Variants in ALDH1A1 observed in about 807,000 individuals in gnomAD.
ALDH1A1 encodes aldehyde dehydrogenase 1A1.
A neutral mutation model predicts 62.1 loss-of-function variants in ALDH1A1; 19 were observed. The ratio of observed to expected loss-of-function variants is 0.31; its 90% CI spans 0.21 to 0.45. The LOEUF is 0.45. Among genes scored for constraint, ALDH1A1 ranks in the 20% least tolerant of loss-of-function variants. ALDH1A1 has a pLI of 1.00. For missense variants in ALDH1A1, 521 were observed against 607.1 expected (o/e 0.86, Z 1.49); for synonymous variants, 231 against 215.9 (o/e 1.07, Z -0.61).
At chr9:72,906,896 T>C (rs1183719600) in intron 11 of ALDH1A1, among the ~76,000 whole-genome samples, 1 of 152,130 alleles carries the variant, frequency 6.6e-6, no homozygotes. Context: ...GGTTAGTAGC[T>C]GGAGACTGAG....
chr9:72,910,693 C>A (rs190845006), intron 10 of ALDH1A1, among the ~76,000 whole-genome samples: 26 of 152,114 alleles, frequency 1.7e-4, no homozygotes, highest in African/African-American at 5.5e-4. Context: ...CCAGAATTTT[C>A]TGGGAAATCT....
chr9:72,904,103 CATCTCCACCAA>C (rs1320875370), intron 12 of ALDH1A1, among the ~76,000 whole-genome samples: 1 of 152,022 alleles, frequency 6.6e-6, no homozygotes, highest in Admixed American at 6.6e-5. Context: ...GGAATGTGAA[CATCTCCACCAA>C]ATATGAGAAA....
At chr9:72,944,763 A>G (rs1204762253) in intron 1 of ALDH1A1, among the ~76,000 whole-genome samples, 1 of 152,110 alleles carries the variant, frequency 6.6e-6, no homozygotes, top group Non-Finnish European at 1.5e-5. Flanking sequence ...GTTCTATGTA[A>G]CCATTATATA....
chr9:72,951,509 T>TA (rs977191111), intron 1 of ALDH1A1, among the ~76,000 whole-genome samples: 207 of 149,502 alleles, frequency 1.4e-3, no homozygotes, highest in East Asian at 3.1e-3. Flanking sequence ...GTAGTATTAT[T>TA]AAAAAAAAAA....
At chr9:72,924,267 A>G (rs1830178732) in intron 6 of ALDH1A1, 135 bp from the exon 7 acceptor site, 2 of 591,808 alleles carry the variant, frequency 3.4e-6, no homozygotes, top group South Asian at 2.2e-5. Flanking sequence ...AACTGGCTCT[A>G]TTCTTTAGTC....
intron 1 of ALDH1A1, among the ~76,000 whole-genome samples, chr9:72,945,734 C>A (rs542645265): frequency 1.1e-4 from 17 of 152,014 alleles, no homozygotes; most frequent in Non-Finnish European, 2.5e-4. Context: ...AAAGCTGGAT[C>A]TCTGGCAACT....
In ALDH1A1 at chr9:72,919,646, C is replaced by T. The variant is rs1286175119; in HGVS notation, c.748-824G>A. ...GTAACAATAACGTATCACTGCATAC[C>T]TCTCCTCATTAGTATCTATGACAGA... On this transcript the variant is annotated intron_variant, in intron 7 of 12. Transcript: ENST00000297785. Among the ~76,000 whole-genome samples, 7 of 152,302 alleles carry T rather than the reference C, an allele frequency of 4.6e-5. No individual in the cohort carries two copies. In the South Asian group the frequency reaches 1.0e-3, roughly 23 times the overall value.
chr9:72,934,700 A>G (rs1227792894), intron 2 of ALDH1A1, among the ~76,000 whole-genome samples: 5 of 152,186 alleles, frequency 3.3e-5, no homozygotes, highest in Admixed American at 2.6e-4. Context: ...CAGCTTGATG[A>G]TGGCTACTAG....
intron 7 of ALDH1A1, 41 bp from the exon 8 acceptor site, chr9:72,918,863 TCA>T: frequency 7.0e-7 from 1 of 1,430,598 alleles, no homozygotes; most frequent in Non-Finnish European, 9.8e-7. Context: ...TACCCTGCTC[TCA>T]TGAACACAGG....
Position 72,924,000 on chromosome 9 carries a change from C to T in ALDH1A1, c.747+19G>A, listed in dbSNP as rs1435433470. Reference sequence around the variant, plus strand: ...CAATGCAGACATTCTTAACTTTTGCCCTGAGTAAATAATATTACCTCTGTT... The same window carrying T: ...CAATGCAGACATTCTTAACTTTTGCTCTGAGTAAATAATATTACCTCTGTT... On this transcript the variant is annotated intron_variant, in intron 7 of 12. Coordinates refer to ENST00000297785, the MANE Select transcript of ALDH1A1 (RefSeq NM_000689.5). 2 of 1,540,038 alleles carry T rather than the reference C, an allele frequency of 1.3e-6. No homozygotes were observed. The highest frequency in any genetic ancestry group is 2.3e-5 in the East Asian group (1 of 43,232).
intron 9 of ALDH1A1, 65 bp from the exon 10 acceptor site, chr9:72,912,187 G>C (rs908317559): frequency 4.2e-6 from 6 of 1,427,208 alleles, no homozygotes; most frequent in Non-Finnish European, 5.8e-6. Context: ...ACATTGCTGG[G>C]CCTGTTAACA....
intron 9 of ALDH1A1, among the ~76,000 whole-genome samples, chr9:72,913,219 C>A (rs562484477): frequency 1.3e-5 from 2 of 152,136 alleles, no homozygotes; most frequent in South Asian, 2.1e-4. Flanking sequence ...CCATATCTAA[C>A]TAGATTAAGC....
In ALDH1A1 at chr9:72,953,042, T is replaced by C; in HGVS notation, c.-42A>G. The C allele has an allele frequency of 6.2e-7, 1 of 1,612,710 alleles. No individual in the cohort carries two copies. Among genetic ancestry groups the C allele is most frequent in the African/African-American group, 1.3e-5 (1 of 74,972 alleles). Reference sequence around the variant, plus strand: ...GGAACACAGGTGACTGGCTCAGCAATTTGGTTCTGATAGAGCACTTGGCTT... The same window carrying C: ...GGAACACAGGTGACTGGCTCAGCAACTTGGTTCTGATAGAGCACTTGGCTT... On this transcript the variant is annotated 5_prime_UTR_variant, in exon 1 of 13. Transcript: ENST00000297785.
At chr9:72,933,970 A>G (rs1466391618) in intron 2 of ALDH1A1, among the ~76,000 whole-genome samples, 2 of 151,994 alleles carry the variant, frequency 1.3e-5, no homozygotes, top group Non-Finnish European at 2.9e-5. Flanking sequence ...CTAATTGTTT[A>G]TTTTTAGTAA....
At chr9:72,911,028 A>G (rs1470419893) in intron 10 of ALDH1A1, among the ~76,000 whole-genome samples, 1 of 152,164 alleles carries the variant, frequency 6.6e-6, no homozygotes, top group African/African-American at 2.4e-5. Flanking sequence ...TCCACGTCTT[A>G]TCTGGTATTA....
intron 6 of ALDH1A1, among the ~76,000 whole-genome samples, chr9:72,924,854 G>A: frequency 6.6e-6 from 1 of 152,068 alleles, no homozygotes; most frequent in East Asian, 1.9e-4. Context: ...TTTAAGATTT[G>A]GTAAGATGAA....
At chr9:72,933,275 A>C (rs752597423) in intron 2 of ALDH1A1, among the ~76,000 whole-genome samples, 1 of 152,214 alleles carries the variant, frequency 6.6e-6, no homozygotes, top group Non-Finnish European at 1.5e-5. Flanking sequence ...CCCTCCGCTA[A>C]AGACAGCAGA....
chr9:72,951,596 A>T (rs1267233232), intron 1 of ALDH1A1, among the ~76,000 whole-genome samples: 1 of 151,880 alleles, frequency 6.6e-6, no homozygotes, highest in Non-Finnish European at 1.5e-5. Flanking sequence ...TTTTAAATGT[A>T]CCCACTTTCA....
intron 5 of ALDH1A1, among the ~76,000 whole-genome samples, chr9:72,926,135 T>C (rs993298612): frequency 2.6e-5 from 4 of 152,190 alleles, no homozygotes; most frequent in African/African-American, 9.7e-5. Flanking sequence ...GGTTACGTGC[T>C]CTCTGTATCT....
Sources: allele counts gnomAD v4.1 joint callset (sites outside exome capture counted in the v4.1 genomes callset), GRCh38; gene constraint gnomAD v4.1.1; transcripts MANE v1.5; gene names NCBI Gene and HGNC (gene_info 2026-07-23, HGNC 2026-07-21).